Variants in ELMO3 observed in about 807,000 individuals in gnomAD.
ELMO3 encodes engulfment and cell motility 3.
Under a neutral mutation model 89.0 loss-of-function variants are expected in ELMO3, and 81 were observed. The ratio of observed to expected loss-of-function variants is 0.91; its 90% CI spans 0.76 to 1.09. The LOEUF is 1.09. Ranked by LOEUF, ELMO3 falls within the 50% of genes least tolerant of loss-of-function variation. The pLI is 0.00. For missense variants in ELMO3, 959 were observed against 972.8 expected, an observed-to-expected ratio of 0.99 and a Z score of 0.19; for synonymous variants, 406 against 400.6, an observed-to-expected ratio of 1.01 and a Z score of -0.16.
At position 67,200,966 on chromosome 16, in the gene ELMO3, A is replaced by C; in HGVS notation, c.742A>C (p.Lys248Gln). The C allele has an allele frequency of 6.2e-7, 1 of 1,602,748 alleles. No individual in the cohort carries two copies. Among genetic ancestry groups the C allele is most frequent in the Non-Finnish European group, 8.5e-7 (1 of 1,177,080 alleles). ...LLQGASPVER[K>Q]HMLDYLWQRN... is the part of the protein sequence containing the mutation. ...GCAGGGGGCCAGCCCTGTGGAACGC[A>C]AGGTGAGTGTCGATCGGTGGCTAGA... is the stretch of plus-strand genomic sequence containing the variant. Residue 248 changes from lysine (K) to glutamine (Q), a missense_variant and splice_region_variant, in exon 8 of 20, where the codon AAG becomes CAG. By Grantham distance (53) the Lys-to-Gln change is moderately conservative. Transcript: ENST00000393997.
rs766576069 is a variant in ELMO3 at position 67,203,281 on chromosome 16, C to T, written c.1781-46C>T. The T allele has an allele frequency of 2.0e-5, 32 of 1,587,738 alleles. No homozygotes were observed. The highest frequency in any genetic ancestry group is 1.1e-4 in the African/African-American group (8 of 74,578). On this transcript the variant is annotated intron_variant, in intron 17 of 19. Transcript: ENST00000393997. This position sits in a 1 kb window ranked among gnomAD's most constrained non-coding sequence, Gnocchi z 4.6. ...GCTCTCCCCAGACCGCCCTGGGCCC[C>T]GGGGCTGCCAGGGCTGCAGTGCTCA...
intron 1 of ELMO3, 71 bp downstream of exon 1, chr16:67,199,475 A>AGGG: frequency 7.5e-7 from 1 of 1,328,816 alleles, no homozygotes; most frequent in Non-Finnish European, 1.0e-6. Context: ...CCCTCGGGGC[A>AGGG]GCCCGCCCCA....
chr16:67,202,944 C>T lies in ELMO3; in HGVS notation c.1615C>T (p.Arg539Cys), dbSNP rs1323734046. 6 of 1,609,960 alleles carry T rather than the reference C, an allele frequency of 3.7e-6. No homozygotes were observed. The highest frequency in any genetic ancestry group is 1.1e-5 in the South Asian group (1 of 91,066). Residue 539 changes from arginine (R) to cysteine (C), a missense_variant, in exon 16 of 20, where the codon CGC becomes TGC. Coordinates refer to ENST00000393997, the MANE Select transcript of ELMO3 (RefSeq NM_024712.5). ...PELMGLIRQQ[R>C]LLRLCEGTLF... is the part of the protein sequence containing the mutation. The stretch of plus-strand genomic sequence containing the variant: ...GCTCATGGGCCTGATCCGCCAGCAG[C>T]GCTTGCTCCGCCTCTGTGAGGGGAC...
chr16:67,201,271 T>A (rs1224469594), intron 8 of ELMO3, 114 bp from the exon 9 acceptor site: 6 of 1,278,802 alleles, frequency 4.7e-6, no homozygotes, highest in East Asian at 2.4e-5. Context: ...GTTAGCCAGG[T>A]TGGCCTCCAT....
chr16:67,199,143 G>C lies in ELMO3; in HGVS notation c.-184G>C. On this transcript the variant is annotated 5_prime_UTR_variant, in exon 1 of 20. Transcript: ENST00000393997. ...CAGACTCCAACCCGGAACTAACCTCGGCTCCCTTGGGAAGGCCGCGTTGCA... is the reference window on the plus strand; with the variant it reads ...CAGACTCCAACCCGGAACTAACCTCCGCTCCCTTGGGAAGGCCGCGTTGCA... 1 of 1,600,168 alleles carries C rather than the reference G, an allele frequency of 6.2e-7. No homozygotes were observed.
At chr16:67,199,476 G>GGGC in intron 1 of ELMO3, 72 bp downstream of exon 1, 133 of 1,502,940 alleles carry the variant, frequency 8.8e-5, no homozygotes, top group Non-Finnish European at 1.1e-4. Flanking sequence ...CCTCGGGGCA[G>GGGC]CCCGCCCCAC....
At position 67,202,604 on chromosome 16, in the gene ELMO3, GAGC is replaced by G; in HGVS notation, c.1399-22_1399-20del. 1 of 1,613,240 alleles carries G rather than the reference GAGC, an allele frequency of 6.2e-7. No individual in the cohort carries two copies. The highest frequency in any genetic ancestry group is 8.5e-7 in the Non-Finnish European group (1 of 1,179,864). On this transcript the variant is annotated intron_variant, in intron 14 of 19. Coordinates refer to ENST00000393997, the MANE Select transcript of ELMO3 (RefSeq NM_024712.5). Reference sequence around the variant, plus strand: ...GATCTGGGTACAGAGCTTAGGCCCTGAGCTGAGCTTGGGCGGCCCCAGGTCATG... The same window carrying G: ...GATCTGGGTACAGAGCTTAGGCCCTGTGAGCTTGGGCGGCCCCAGGTCATG...
rs991818463 is a variant in ELMO3 at position 67,203,969 on chromosome 16, AT to A, written c.*94del. ...AGTGCAGGCACCCTGACCAGCAGAG[AT>A]TGCTGCAGAAATAAAGTCTGCTTGG... is the stretch of plus-strand genomic sequence containing the variant. On this transcript the variant is annotated 3_prime_UTR_variant, in exon 20 of 20. Transcript: ENST00000393997. The surrounding 1 kb of genome is among the most constrained non-coding windows in gnomAD (Gnocchi z 4.6). 1 of 1,130,416 alleles carries A rather than the reference AT, an allele frequency of 8.8e-7. No individual in the cohort carries two copies. The highest frequency in any genetic ancestry group is 1.6e-5 in the African/African-American group (1 of 63,774). 70.0% of individuals were successfully genotyped at this position (1,130,416 alleles called of 1,614,324 possible).
At position 67,200,258 on chromosome 16, in the gene ELMO3, C is replaced by A. The variant is rs1295691326; in HGVS notation, c.310C>A (p.Leu104Met). ...CAGTCCTGAAGGGCGCCGGGAAGCC[C>A]TGAGGCGCCTTGTTCCGCTGGCCTC... ...SNSPEGRREA[L>M]RRLVPLASDM... The change falls in exon 5 of 20, where the codon CTG becomes ATG. Residue 104 changes from leucine to methionine, a missense_variant. Transcript: ENST00000393997. 1 of 1,613,666 alleles carries A rather than the reference C, an allele frequency of 6.2e-7. No homozygotes were observed. Among genetic ancestry groups the A allele is most frequent in the Admixed American group, 1.7e-5 (1 of 60,010 alleles).
Position 67,203,768 on chromosome 16 carries a change from T to C in ELMO3, c.2054T>C (p.Leu685Pro). 4.3e-6 allele frequency: 7 copies of C among 1,613,186 alleles called. No individual in the cohort carries two copies. Among genetic ancestry groups the C allele is most frequent in the Non-Finnish European group, 5.9e-6 (7 of 1,179,954 alleles). Residue 685 changes from leucine (L) to proline (P), a missense_variant, in exon 20 of 20, where the codon CTG (leucine) becomes CCG (proline). Leu to Pro is a moderately conservative substitution (Grantham distance 98). Coordinates refer to ENST00000393997, the MANE Select transcript of ELMO3 (RefSeq NM_024712.5). This position sits in a 1 kb window ranked among gnomAD's most constrained non-coding sequence, Gnocchi z 4.6. ...LEQLLTMETK[L>P]RLLELENVPI... is the part of the protein sequence containing the mutation. ...CAGCTGCTGACCATGGAGACCAAGCTGCGTCTGCTGGAGCTGGAGAACGTG... is the reference window on the plus strand; with the variant it reads ...CAGCTGCTGACCATGGAGACCAAGCCGCGTCTGCTGGAGCTGGAGAACGTG...
At position 67,201,848 on chromosome 16, in the gene ELMO3, G is replaced by A. The variant is rs757174577; in HGVS notation, c.1025G>A (p.Arg342Gln). The A allele has an allele frequency of 1.7e-5, 28 of 1,610,048 alleles. No homozygotes were observed. The Middle Eastern group carries it at 5.0e-4, about 28-fold the overall frequency. Reference sequence around the variant, plus strand: ...GACCGTCGCCGTTCCCTCTGTGCCCGAGAGTTCCGCAAACTGGGCTTTTCT... The same window carrying A: ...GACCGTCGCCGTTCCCTCTGTGCCCAAGAGTTCCGCAAACTGGGCTTTTCT... ...SADRRRSLCA[R>Q]EFRKLGFSNS... The change falls in exon 11 of 20, where the codon CGA becomes CAA. Residue 342 changes from arginine (R) to glutamine (Q), a missense_variant. Arg to Gln is a conservative substitution (Grantham distance 43). Coordinates refer to ENST00000393997, the MANE Select transcript of ELMO3 (RefSeq NM_024712.5).
At chr16:67,201,049 C>CT (rs797015351) in intron 8 of ELMO3, 81 bp downstream of exon 8, 132,688 of 1,081,918 alleles carry the variant, frequency 0.12, 1 homozygote, top group Middle Eastern at 0.14. Flanking sequence ...CTAAGCCCCC[C>CT]TTTTTTTTTT....
At chr16:67,201,362 C>T (rs760499554) in intron 8 of ELMO3, 23 bp from the exon 9 acceptor site, 5 of 1,613,676 alleles carry the variant, frequency 3.1e-6, no homozygotes, top group Admixed American at 3.3e-5. Flanking sequence ...CAGCCTAAGC[C>T]CCCTTTCTTT....
rs989048870 is a variant in ELMO3, at chr16:67,203,415, T to G, written c.1863+6T>G. 1.2e-6 allele frequency: 2 copies of G among 1,612,516 alleles called. No homozygotes were observed. Among genetic ancestry groups the G allele is most frequent in the South Asian group, 1.1e-5 (1 of 90,954 alleles). ...GCTCCGGGAAGCAGAACAAGGTGAG[T>G]ACAGCGGGCCAGGGGCTCCTTCCCA... On this transcript the variant is annotated splice_donor_region_variant and intron_variant, in intron 18 of 19. Transcript: ENST00000393997. The surrounding 1 kb of genome is among the most constrained non-coding windows in gnomAD (Gnocchi z 4.6).
rs1281633264 is a variant in ELMO3, at chr16:67,200,274, C to T, written c.326C>T (p.Pro109Leu). ...GRREALRRLVPLASDMIFARE... is the reference protein window; with the variant it reads ...GRREALRRLVLLASDMIFARE... ...CGGGAAGCCCTGAGGCGCCTTGTTCCGCTGGCCTCGGACATGATCTTTGCC... is the reference window on the plus strand; with the variant it reads ...CGGGAAGCCCTGAGGCGCCTTGTTCTGCTGGCCTCGGACATGATCTTTGCC... The change falls in exon 5 of 20, where the codon CCG (proline) becomes CTG (leucine). Residue 109 changes from proline to leucine, a missense_variant. Pro to Leu is a moderately conservative substitution (Grantham distance 98). Transcript: ENST00000393997. 12 of 1,613,680 alleles carry T rather than the reference C, an allele frequency of 7.4e-6. No homozygotes were observed. The highest frequency in any genetic ancestry group is 6.7e-5 in the Admixed American group (4 of 60,010).
Position 67,203,559 on chromosome 16 carries a change from C to T in ELMO3, c.1926C>T (p.Asn642=). 1 of 1,614,046 alleles carries T rather than the reference C, an allele frequency of 6.2e-7. No homozygotes were observed. The highest frequency in any genetic ancestry group is 2.2e-5 in the East Asian group (1 of 44,872). ...YDRGEEEAYL[N]FIAPSKREFY... ...GTGGGGAGGAGGAAGCGTACCTCAACTTCATTGCCCCCTCCAAGCGGGAGG... is the reference window on the plus strand; with the variant it reads ...GTGGGGAGGAGGAAGCGTACCTCAATTTCATTGCCCCCTCCAAGCGGGAGG... Residue 642 remains asparagine, a synonymous_variant, in exon 19 of 20, where the codon AAC becomes AAT. Coordinates refer to ENST00000393997, the MANE Select transcript of ELMO3 (RefSeq NM_024712.5). This position sits in a 1 kb window ranked among gnomAD's most constrained non-coding sequence, Gnocchi z 4.6.
chr16:67,202,130 C>T, intron 12 of ELMO3, 46 bp from the exon 13 acceptor site: 23 of 1,608,328 alleles, frequency 1.4e-5, no homozygotes, highest in Non-Finnish European at 2.0e-5. Context: ...GGCAGGGTCC[C>T]CATGGGCTTA....
rs2033077053 is a variant in ELMO3, at chr16:67,200,553, G to A, written c.513+3G>A. On this transcript the variant is annotated splice_donor_region_variant and intron_variant, in intron 6 of 19. Transcript: ENST00000393997. ...TGAGCATCCCCTTTGTGAGGAAGGT[G>A]GGTGGGCTTTCCTAGGGCAGCGGGT... is the stretch of plus-strand genomic sequence containing the variant. 1 of 1,613,704 alleles carries A rather than the reference G, an allele frequency of 6.2e-7. No homozygotes were observed. Among genetic ancestry groups the A allele is most frequent in the Non-Finnish European group, 8.5e-7 (1 of 1,179,940 alleles).
rs752183129 is a variant in ELMO3, at chr16:67,201,378, C to A, written c.745-7C>A. ...AGCCTAAGCCCCCTTTCTTTCTACCCCCTCAGCACATGCTTGACTATCTTT... is the reference window on the plus strand; with the variant it reads ...AGCCTAAGCCCCCTTTCTTTCTACCACCTCAGCACATGCTTGACTATCTTT... On this transcript the variant is annotated splice_region_variant and splice_polypyrimidine_tract_variant and intron_variant, in intron 8 of 19. Coordinates refer to ENST00000393997, the MANE Select transcript of ELMO3 (RefSeq NM_024712.5). 5.6e-6 allele frequency: 9 copies of A among 1,613,808 alleles called. No individual in the cohort carries two copies. Among genetic ancestry groups the A allele is most frequent in the Admixed American group, 3.3e-5 (2 of 59,992 alleles).
Sources: gnomAD v4.1 joint callset for allele counts on GRCh38, gnomAD v4.1.1 for gene constraint, Gnocchi (gnomAD v3.1) non-coding constraint, MANE v1.5 for transcripts, NCBI Gene and HGNC (gene_info 2026-07-23, HGNC 2026-07-21) for gene names.